Variants in PCDHA11 observed in about 807,000 individuals in gnomAD.
PCDHA11 encodes protocadherin alpha 11, also known as protocadherin alpha-11.
Under a neutral mutation model 70.3 loss-of-function variants are expected in PCDHA11, and 61 were observed. The ratio of observed to expected loss-of-function variants is 0.87; its 90% CI spans 0.71 to 1.07. PCDHA11 has a LOEUF of 1.07. PCDHA11 is among the 50% of genes least tolerant of loss of function. The pLI, the probability that PCDHA11 is intolerant of heterozygous loss-of-function variation, is 0.00. For missense variants in PCDHA11, 1,324 were observed against 1,237.5 expected, an observed-to-expected ratio of 1.07 and a Z score of -1.05; for synonymous variants, 633 against 555.1, an observed-to-expected ratio of 1.14 and a Z score of -1.97.
At chr5:140,985,167 G>C (rs905296036) in intron 3 of PCDHA11, among the ~76,000 whole-genome samples, 2 of 152,176 alleles carry the variant, frequency 1.3e-5, no homozygotes, top group Admixed American at 1.3e-4. Context: ...TCAATCTCCT[G>C]ACCTCGTAAT....
At chr5:140,899,359 T>A (rs1247414230) in intron 1 of PCDHA11, among the ~76,000 whole-genome samples, 57 of 152,234 alleles carry the variant, frequency 3.7e-4, no homozygotes, top group Admixed American at 1.4e-3. Flanking sequence ...TTTTGAGATA[T>A]GTCCCATCAA....
At chr5:140,966,502 G>C in intron 1 of PCDHA11, 1 of 433,894 alleles carries the variant, frequency 2.3e-6, no homozygotes, top group Non-Finnish European at 4.0e-6. Flanking sequence ...GAGCTGTAGC[G>C]GCAGCAGCAG....
At position 140,869,516 on chromosome 5, in the gene PCDHA11, A is replaced by G; in HGVS notation, c.413A>G (p.Gln138Arg). Reference protein sequence around the residue: ...DNPPVFSLREQKLLIAESKQS... With the variant: ...DNPPVFSLRERKLLIAESKQS... The stretch of plus-strand genomic sequence containing the variant: ...CCGCCGGTGTTCTCGCTCAGAGAAC[A>G]AAAGCTGCTGATTGCGGAATCTAAG... The change falls in exon 1 of 4, where the codon CAA (glutamine) becomes CGA (arginine). Residue 138 changes from glutamine (Q) to arginine (R), a missense_variant. Coordinates refer to ENST00000398640, the MANE Select transcript of PCDHA11 (RefSeq NM_018902.5). 1.2e-6 allele frequency: 2 copies of G among 1,614,226 alleles called. No homozygotes were observed. The highest frequency in any genetic ancestry group is 1.7e-6 in the Non-Finnish European group (2 of 1,180,038).
intron 1 of PCDHA11, among the ~76,000 whole-genome samples, chr5:140,908,828 A>C (rs1490004627): frequency 6.6e-6 from 1 of 152,176 alleles, no homozygotes; most frequent in Non-Finnish European, 1.5e-5. Context: ...GTTACTCGAT[A>C]AATGGGCTGG....
chr5:140,872,087 A>C (rs2053480826), intron 1 of PCDHA11, among the ~76,000 whole-genome samples: 2 of 152,304 alleles, frequency 1.3e-5, no homozygotes, highest in East Asian at 1.9e-4. Flanking sequence ...GTGCCACTGC[A>C]CTTAGTCCAT....
chr5:140,928,012 A>G (rs2084863036), intron 1 of PCDHA11: 2 of 1,614,190 alleles, frequency 1.2e-6, no homozygotes, highest in African/African-American at 2.7e-5. Context: ...TTCTAATGGT[A>G]GGGTCATTTG....
intron 1 of PCDHA11, among the ~76,000 whole-genome samples, chr5:140,886,239 T>C (rs2060904240): frequency 6.6e-6 from 1 of 152,062 alleles, no homozygotes; most frequent in African/African-American, 2.4e-5. Flanking sequence ...ACTTCAGAAA[T>C]AAATAAAAGT....
rs546789240 is a variant in PCDHA11 at position 140,938,168 on chromosome 5, G to A, written c.2392-40781G>A. Among the ~76,000 whole-genome samples, 6 of 152,184 alleles carry A rather than the reference G, an allele frequency of 3.9e-5. No homozygotes were observed. The South Asian group carries it at 1.2e-3, about 32-fold the overall frequency. Reference sequence around the variant, plus strand: ...ACTACATTGCCCAGGCTAGTCTGGAGCTCCTGGGCTCAAGCAATCCTCCCA... The same window carrying A: ...ACTACATTGCCCAGGCTAGTCTGGAACTCCTGGGCTCAAGCAATCCTCCCA... On this transcript the variant is annotated intron_variant, in intron 1 of 3. Coordinates refer to ENST00000398640, the MANE Select transcript of PCDHA11 (RefSeq NM_018902.5).
At position 140,928,478 on chromosome 5, in the gene PCDHA11, A is replaced by T. The variant is rs1554205922; in HGVS notation, c.2392-50471A>T. Reference sequence around the variant, plus strand: ...TTTCATTTCCAAGTAGAAGGCCGGGATGGTGGCATTCCTCCCAGAAGTGCA... The same window carrying T: ...TTTCATTTCCAAGTAGAAGGCCGGGTTGGTGGCATTCCTCCCAGAAGTGCA... On this transcript the variant is annotated intron_variant, in intron 1 of 3. Coordinates refer to ENST00000398640, the MANE Select transcript of PCDHA11 (RefSeq NM_018902.5). 2.5e-5 allele frequency: 40 copies of T among 1,614,132 alleles called. No individual in the cohort carries two copies. The highest frequency in any genetic ancestry group is 3.3e-5 in the Non-Finnish European group (39 of 1,180,008).
At chr5:140,926,255 G>T (rs562420240) in intron 1 of PCDHA11, 1 of 152,224 alleles carries the variant, frequency 6.6e-6, no homozygotes, top group African/African-American at 2.4e-5. Flanking sequence ...TCACCGTCCC[G>T]CCTCTCGCCG....
intron 1 of PCDHA11, chr5:140,875,336 G>T: frequency 7.0e-7 from 1 of 1,438,564 alleles, no homozygotes; most frequent in Non-Finnish European, 9.1e-7. Context: ...GAATAGGATC[G>T]ACTCCATAAT....
intron 1 of PCDHA11, chr5:140,967,668 C>T (rs1554229751): frequency 1.2e-6 from 2 of 1,614,108 alleles, no homozygotes; most frequent in Non-Finnish European, 8.5e-7. Flanking sequence ...AGCTACACGT[C>T]GGACCGGGAG....
At chr5:140,906,757 A>G (rs554698266) in intron 1 of PCDHA11, among the ~76,000 whole-genome samples, 2 of 152,346 alleles carry the variant, frequency 1.3e-5, no homozygotes, top group South Asian at 4.1e-4. Flanking sequence ...GCATGGTAAT[A>G]CTAAGAGACA....
rs2098418726 is a variant in PCDHA11 at position 141,010,899 on chromosome 5, C to T, written c.*962C>T. 2 of 153,680 alleles carry T rather than the reference C, an allele frequency of 1.3e-5. No individual in the cohort carries two copies. Among genetic ancestry groups the T allele is most frequent in the Admixed American group, 6.6e-5 (1 of 15,264 alleles). The allele number at this position is 153,680 out of a possible 1,614,324, so 9.5% of individuals were successfully genotyped here. ...TTTAAAGAGAAATATGAATACAATT[C>T]CCCTAAACTCTCCTCAAAAGAGAAT... On this transcript the variant is annotated 3_prime_UTR_variant, in exon 4 of 4. Coordinates refer to ENST00000398640, the MANE Select transcript of PCDHA11 (RefSeq NM_018902.5).
chr5:140,987,008 G>T (rs958548514), intron 3 of PCDHA11, among the ~76,000 whole-genome samples: 1 of 152,142 alleles, frequency 6.6e-6, no homozygotes, highest in Non-Finnish European at 1.5e-5. Context: ...GAGGTCATGA[G>T]TTCGAGACCA....
chr5:140,984,138 G>A (rs1476039645), intron 3 of PCDHA11, among the ~76,000 whole-genome samples: 1 of 152,194 alleles, frequency 6.6e-6, no homozygotes, highest in East Asian at 1.9e-4. Flanking sequence ...GGATGTGGAG[G>A]CATCTGGGAA....
intron 1 of PCDHA11, chr5:140,927,568 A>G: frequency 1.9e-6 from 3 of 1,614,174 alleles, no homozygotes; most frequent in Non-Finnish European, 2.5e-6. Context: ...TGTGGTGGAC[A>G]CAAATGACAA....
chr5:140,869,061 G>A lies in PCDHA11; in HGVS notation c.-43G>A. Reference sequence around the variant, plus strand: ...ACCTGAAACTGAAGAATCTGGTACTGTAAGTGTAAAGAAGCTTATTTTGGA... The same window carrying A: ...ACCTGAAACTGAAGAATCTGGTACTATAAGTGTAAAGAAGCTTATTTTGGA... On this transcript the variant is annotated 5_prime_UTR_variant, in exon 1 of 4. Coordinates refer to ENST00000398640, the MANE Select transcript of PCDHA11 (RefSeq NM_018902.5). 1 of 1,558,266 alleles carries A rather than the reference G, an allele frequency of 6.4e-7. No homozygotes were observed. The highest frequency in any genetic ancestry group is 1.2e-5 in the South Asian group (1 of 80,590).
intron 1 of PCDHA11, among the ~76,000 whole-genome samples, chr5:140,974,881 C>A (rs191346198): frequency 6.6e-6 from 1 of 152,228 alleles, no homozygotes; most frequent in African/African-American, 2.4e-5. Flanking sequence ...GTCTATGTAT[C>A]CCTTTTCTGA....
Sources: gnomAD v4.1 joint callset for allele counts (sites outside exome capture counted in the v4.1 genomes callset) on GRCh38, gnomAD v4.1.1 for gene constraint, MANE v1.5 for transcripts, NCBI Gene and HGNC (gene_info 2026-07-23, HGNC 2026-07-21) for gene names.